Variants in ARHGAP15 observed in about 807,000 individuals in gnomAD.
ARHGAP15 encodes Rho GTPase activating protein 15.
Under a neutral mutation model 63.7 loss-of-function variants are expected in ARHGAP15, and 51 were observed. That is an observed-to-expected ratio of 0.80 (90% CI 0.64 to 1.01). ARHGAP15 has a LOEUF of 1.01. Among genes scored for constraint, ARHGAP15 ranks in the 50% least tolerant of loss-of-function variants. The probability of loss-of-function intolerance (pLI) is 0.00; values close to 1 mark genes in which losing one functional copy is unlikely to be tolerated. For missense variants in ARHGAP15, 560 were observed against 564.6 expected (o/e 0.99, Z 0.08); for synonymous variants, 191 against 193.8 (o/e 0.99, Z 0.12).
chr2:143,620,096 C>T lies in ARHGAP15; in HGVS notation c.1004-4037C>T, dbSNP rs144309421. ...TTTTATCATTTTGGCCTTTACTCAC[C>T]TGCCTCATTCTGGTGACATATTGGA... is the stretch of plus-strand genomic sequence containing the variant. On this transcript the variant is annotated intron_variant, in intron 11 of 13. Coordinates refer to ENST00000295095, the MANE Select transcript of ARHGAP15 (RefSeq NM_018460.4). 5.8e-4 allele frequency among the ~76,000 whole-genome samples: 88 copies of T among 152,248 alleles called. 1 individual carries two copies. Among genetic ancestry groups the T allele is most frequent in the African/African-American group, 2.0e-3 (82 of 41,534 alleles).
chr2:143,596,870 T>A (rs1425357083), intron 11 of ARHGAP15, among the ~76,000 whole-genome samples: 1 of 152,148 alleles, frequency 6.6e-6, no homozygotes, highest in East Asian at 1.9e-4. Context: ...TTAAGTGTTT[T>A]TAATTATTTT....
At chr2:143,221,242 T>TA (rs1477035716) in intron 4 of ARHGAP15, among the ~76,000 whole-genome samples, 1 of 152,190 alleles carries the variant, frequency 6.6e-6, no homozygotes, top group Non-Finnish European at 1.5e-5. Flanking sequence ...TCTTCTTTTT[T>TA]ATGTGTCTTT....
intron 6 of ARHGAP15, among the ~76,000 whole-genome samples, chr2:143,297,552 T>G (rs373483211): frequency 6.6e-6 from 1 of 151,924 alleles, no homozygotes; most frequent in East Asian, 1.9e-4. Flanking sequence ...TAGCAGCAAA[T>G]CAAAGCCATT....
chr2:143,282,189 C>T (rs58515646), intron 6 of ARHGAP15, among the ~76,000 whole-genome samples: 4 of 151,834 alleles, frequency 2.6e-5, no homozygotes, highest in African/African-American at 7.3e-5. Flanking sequence ...AATCTGCCCT[C>T]GTATGGAAGT....
intron 9 of ARHGAP15, among the ~76,000 whole-genome samples, chr2:143,505,993 T>C (rs73005374): frequency 0.019 from 2,940 of 152,334 alleles, 100 homozygotes; most frequent in African/African-American, 0.067. Flanking sequence ...AAACCTGTTA[T>C]GTTAATATAT....
intron 6 of ARHGAP15, among the ~76,000 whole-genome samples, chr2:143,418,234 T>C (rs895841737): frequency 6.6e-6 from 1 of 152,130 alleles, no homozygotes; most frequent in Non-Finnish European, 1.5e-5. Context: ...CCGTGGTAAA[T>C]GATGTGATAG....
chr2:143,364,401 G>A (rs1048579392), intron 6 of ARHGAP15, among the ~76,000 whole-genome samples: 3 of 152,170 alleles, frequency 2.0e-5, no homozygotes, highest in Non-Finnish European at 4.4e-5. Context: ...GAGTGGGAGT[G>A]AGAAGTGGGA....
At chr2:143,536,258 G>C (rs953167965) in intron 10 of ARHGAP15, among the ~76,000 whole-genome samples, 1 of 152,014 alleles carries the variant, frequency 6.6e-6, no homozygotes, top group Non-Finnish European at 1.5e-5. Context: ...TCTTCTATGA[G>C]GTCAACCTTT....
At chr2:143,424,034 T>C (rs950458356) in intron 6 of ARHGAP15, among the ~76,000 whole-genome samples, 3 of 152,132 alleles carry the variant, frequency 2.0e-5, no homozygotes, top group African/African-American at 4.8e-5. Context: ...TTAAGTGGCA[T>C]GTGACAGATA....
chr2:143,345,117 A>G (rs904225727), intron 6 of ARHGAP15, among the ~76,000 whole-genome samples: 22 of 152,136 alleles, frequency 1.4e-4, no homozygotes, highest in Admixed American at 7.9e-4. Flanking sequence ...TTTTAAAGTC[A>G]CCCAGCATTA....
chr2:143,209,126 A>G (rs149136539), intron 3 of ARHGAP15, among the ~76,000 whole-genome samples: 52 of 152,278 alleles, frequency 3.4e-4, no homozygotes, highest in African/African-American at 1.2e-3. Flanking sequence ...AACGAAGGAC[A>G]TAGACTTTGG....
chr2:143,180,226 A>G (rs1192307560), intron 2 of ARHGAP15, among the ~76,000 whole-genome samples: 3 of 152,242 alleles, frequency 2.0e-5, no homozygotes, highest in East Asian at 1.9e-4. Context: ...CTGCTGTTTT[A>G]TAAACTGAGT....
intron 13 of ARHGAP15, among the ~76,000 whole-genome samples, chr2:143,744,320 T>C (rs1461956668): frequency 6.6e-6 from 1 of 152,240 alleles, no homozygotes; most frequent in Non-Finnish European, 1.5e-5. Flanking sequence ...GATGTTATTC[T>C]ACTGACAGTG....
chr2:143,640,103 T>C (rs1240150851), intron 12 of ARHGAP15, among the ~76,000 whole-genome samples: 3 of 152,092 alleles, frequency 2.0e-5, no homozygotes, highest in African/African-American at 7.2e-5. Flanking sequence ...CCAACGAAAA[T>C]ATCGTTTTAT....
chr2:143,320,410 C>CCGCCCCCCCCCG (rs1553463623), intron 6 of ARHGAP15, among the ~76,000 whole-genome samples: 39 of 19,036 alleles, frequency 2.0e-3, no homozygotes, highest in East Asian at 7.5e-3. Flanking sequence ...ACTTCCCCAC[C>CCGCCCCCCCCCG]CCCCCCCCCC....
intron 1 of ARHGAP15, among the ~76,000 whole-genome samples, chr2:143,133,703 A>G (rs952895789): frequency 3.3e-5 from 5 of 152,198 alleles, no homozygotes; most frequent in African/African-American, 7.2e-5. Context: ...AAATCAATAT[A>G]AAACCAAAAC....
intron 2 of ARHGAP15, chr2:143,162,531 T>C (rs1690339548): frequency 6.6e-6 from 1 of 152,004 alleles, no homozygotes; most frequent in East Asian, 1.9e-4. Context: ...AGGTCTCATT[T>C]TTACATCTTA....
intron 11 of ARHGAP15, among the ~76,000 whole-genome samples, chr2:143,566,540 C>T (rs1028437337): frequency 3.9e-5 from 6 of 152,086 alleles, no homozygotes; most frequent in African/African-American, 1.4e-4. Flanking sequence ...TGGGAAAATA[C>T]TAGGATCTGC....
intron 13 of ARHGAP15, among the ~76,000 whole-genome samples, chr2:143,712,843 G>T (rs1684642434): frequency 6.6e-6 from 1 of 150,798 alleles, no homozygotes; most frequent in Non-Finnish European, 1.5e-5. Context: ...TAATCTAGCA[G>T]GAAAAAAAAT....
Sources: allele counts gnomAD v4.1 joint callset (sites outside exome capture counted in the v4.1 genomes callset), GRCh38; gene constraint gnomAD v4.1.1; transcripts MANE v1.5; gene names NCBI Gene and HGNC (gene_info 2026-07-23, HGNC 2026-07-21).